The following PPP2R3A variants were observed in gnomAD, a reference collection of about 807,000 sequenced individuals.
PPP2R3A encodes the protein protein phosphatase 2 regulatory subunit B''alpha.
In PPP2R3A, 80 loss-of-function variants were observed where a neutral mutation model predicts 106.9. The ratio of observed to expected loss-of-function variants is 0.75; its 90% CI spans 0.62 to 0.90. The LOEUF (loss-of-function observed/expected upper bound fraction) is 0.90. Ranked by LOEUF, PPP2R3A falls within the 40% of genes least tolerant of loss-of-function variation. PPP2R3A has a pLI of 0.00. For synonymous variants in PPP2R3A, 483 were observed against 468.3 expected, an observed-to-expected ratio of 1.03 and a Z score of -0.41; for missense variants, 1,386 against 1,350.4, an observed-to-expected ratio of 1.03 and a Z score of -0.41.
intron 1 of PPP2R3A, among the ~76,000 whole-genome samples, chr3:135,971,685 T>C (rs545004042): frequency 5.1e-4 from 77 of 152,344 alleles, no homozygotes; most frequent in African/African-American, 1.8e-3. Flanking sequence ...AGGATGACTT[T>C]GTGACATGAA....
chr3:136,145,246 GCTT>G lies in PPP2R3A; in HGVS notation c.*81_*83del. The G allele has an allele frequency of 6.8e-7, 1 of 1,473,392 alleles. No homozygotes were observed. The highest frequency in any genetic ancestry group is 1.4e-5 in the South Asian group (1 of 73,134). 91.3% of individuals were successfully genotyped at this position (1,473,392 alleles called of 1,614,324 possible). A position where few individuals can be genotyped will look rare whatever the true frequency, so the allele number is the denominator to read the frequency against. Reference sequence around the variant, plus strand: ...GAAGAGATGTTCTCGTTTGCATACTGCTTTTTAAAGACTTTGATTTCTCCAAGT... The same window carrying G: ...GAAGAGATGTTCTCGTTTGCATACTGTTTAAAGACTTTGATTTCTCCAAGT... On this transcript the variant is annotated 3_prime_UTR_variant, in exon 14 of 14. Coordinates refer to ENST00000264977, the MANE Select transcript of PPP2R3A (RefSeq NM_002718.5).
intron 3 of PPP2R3A, among the ~76,000 whole-genome samples, chr3:136,038,788 A>G (rs368520059): frequency 6.6e-6 from 1 of 152,220 alleles, no homozygotes; most frequent in African/African-American, 2.4e-5. Context: ...AGTGGATTCA[A>G]CAGCTTATAC....
chr3:136,072,266 T>G (rs537861233), intron 6 of PPP2R3A, among the ~76,000 whole-genome samples: 5 of 152,256 alleles, frequency 3.3e-5, no homozygotes, highest in Admixed American at 2.0e-4. Context: ...ACAGTCAATA[T>G]GTACTGAGTG....
chr3:136,003,956 C>G (rs1933752672), intron 2 of PPP2R3A, among the ~76,000 whole-genome samples: 1 of 152,040 alleles, frequency 6.6e-6, no homozygotes. Context: ...GTGTAGAGTA[C>G]AAAAGGAGAG....
chr3:136,127,617 A>T (rs1938231655), intron 13 of PPP2R3A, among the ~76,000 whole-genome samples: 1 of 152,232 alleles, frequency 6.6e-6, no homozygotes, highest in South Asian at 2.1e-4. Flanking sequence ...GAATTTCCCC[A>T]ACCAAGCAAG....
At chr3:136,070,587 C>CGGAG (rs1936399788) in intron 6 of PPP2R3A, 35 bp downstream of exon 6, 1 of 1,530,712 alleles carries the variant, frequency 6.5e-7, no homozygotes, top group Non-Finnish European at 8.9e-7. Flanking sequence ...AATATAACTC[C>CGGAG]ATAAGTCACC....
chr3:136,141,711 G>C (rs1306035679), intron 13 of PPP2R3A, among the ~76,000 whole-genome samples: 4 of 152,202 alleles, frequency 2.6e-5, no homozygotes, highest in African/African-American at 9.7e-5. Flanking sequence ...AGTGGCATTA[G>C]GTCCCAAGAC....
chr3:136,024,433 A>G (rs1020938244), intron 2 of PPP2R3A, among the ~76,000 whole-genome samples: 2 of 152,166 alleles, frequency 1.3e-5, no homozygotes, highest in Non-Finnish European at 1.5e-5. Flanking sequence ...TTTATTAAAT[A>G]TGGAATTGAC....
At chr3:136,136,877 G>A (rs1259456854) in intron 13 of PPP2R3A, among the ~76,000 whole-genome samples, 1 of 152,128 alleles carries the variant, frequency 6.6e-6, no homozygotes, top group Non-Finnish European at 1.5e-5. Context: ...AAGTAACCTC[G>A]TAATCACTGC....
At chr3:135,993,728 A>G (rs1030118593) in intron 1 of PPP2R3A, among the ~76,000 whole-genome samples, 5 of 152,262 alleles carry the variant, frequency 3.3e-5, no homozygotes, top group Non-Finnish European at 5.9e-5. Flanking sequence ...AAATTCTGGT[A>G]CATTCATACA....
chr3:136,000,282 G>C (rs1403387058), intron 1 of PPP2R3A, among the ~76,000 whole-genome samples: 4 of 152,062 alleles, frequency 2.6e-5, no homozygotes, highest in Non-Finnish European at 5.9e-5. Flanking sequence ...TCTATCCCTA[G>C]TGTATACAAA....
chr3:135,988,493 C>T (rs1374982196), intron 1 of PPP2R3A, among the ~76,000 whole-genome samples: 1 of 152,098 alleles, frequency 6.6e-6, no homozygotes, highest in Non-Finnish European at 1.5e-5. Flanking sequence ...CTCATCCTAA[C>T]AGCCAGAATG....
At chr3:136,073,351 G>A (rs1398149345) in intron 6 of PPP2R3A, among the ~76,000 whole-genome samples, 3 of 152,158 alleles carry the variant, frequency 2.0e-5, no homozygotes, top group East Asian at 1.9e-4. Flanking sequence ...GAGAAATAGC[G>A]TCATGTTAAT....
intron 10 of PPP2R3A, among the ~76,000 whole-genome samples, chr3:136,092,612 A>G (rs1937118908): frequency 1.3e-5 from 2 of 152,214 alleles, no homozygotes; most frequent in South Asian, 4.1e-4. Context: ...TCCCTATTCC[A>G]AAATATTTCA....
intron 7 of PPP2R3A, among the ~76,000 whole-genome samples, chr3:136,081,679 C>T (rs952593969): frequency 3.9e-5 from 6 of 152,118 alleles, no homozygotes; most frequent in South Asian, 2.1e-4. Context: ...GGTTCAGTAT[C>T]ATTGATTCTG....
At chr3:135,987,273 T>C (rs1051600863) in intron 1 of PPP2R3A, among the ~76,000 whole-genome samples, 5 of 152,174 alleles carry the variant, frequency 3.3e-5, no homozygotes, top group Non-Finnish European at 7.4e-5. Context: ...TTATTACTTA[T>C]AGCAGTAACA....
rs2108051064 is a variant in PPP2R3A, at chr3:136,147,845, G to T, written c.*2679G>T. On this transcript the variant is annotated 3_prime_UTR_variant, in exon 14 of 14. Coordinates refer to ENST00000264977, the MANE Select transcript of PPP2R3A (RefSeq NM_002718.5). The stretch of plus-strand genomic sequence containing the variant: ...AAGATGTGTTTGGAGAAGGCTGCAT[G>T]ACTTTGTTTTTCCCTTTTAGCAAAA... 6.6e-6 allele frequency: 1 copy of T among 152,310 alleles called. No individual in the cohort carries two copies. 9.4% of individuals were successfully genotyped at this position (152,310 alleles called of 1,614,324 possible).
At chr3:136,033,087 G>C (rs144004201) in intron 3 of PPP2R3A, among the ~76,000 whole-genome samples, 2 of 152,116 alleles carry the variant, frequency 1.3e-5, no homozygotes, top group Non-Finnish European at 2.9e-5. Flanking sequence ...CATCATAAAG[G>C]GATGCTGGAT....
intron 4 of PPP2R3A, among the ~76,000 whole-genome samples, chr3:136,041,512 G>A (rs1259120009): frequency 1.3e-5 from 2 of 152,030 alleles, no homozygotes; most frequent in South Asian, 2.1e-4. Flanking sequence ...GCTGCCCAAA[G>A]TGCTGAGATT....
Sources: gnomAD v4.1 joint callset for allele counts (sites outside exome capture counted in the v4.1 genomes callset) on GRCh38, gnomAD v4.1.1 for gene constraint, MANE v1.5 for transcripts, NCBI Gene and HGNC (gene_info 2026-07-23, HGNC 2026-07-21) for gene names.